Variants in DSCAM observed in about 807,000 individuals in gnomAD.
The protein encoded by DSCAM is cell adhesion molecule DSCAM.
A neutral mutation model predicts 217.7 loss-of-function variants in DSCAM; 47 were observed. The observed-to-expected ratio is 0.22, with a 90% CI of 0.17 to 0.28. DSCAM has a LOEUF of 0.28. Ranked by LOEUF, DSCAM falls within the 10% of genes least tolerant of loss-of-function variation. The pLI, the probability that DSCAM is intolerant of heterozygous loss-of-function variation, is 1.00. For synonymous variants in DSCAM, 1,056 were observed against 1,015.3 expected (o/e 1.04, Z -0.76); for missense variants, 2,080 against 2,618.3 (o/e 0.79, Z 4.49).
chr21:40,776,110 CTTATT>C (rs2091486068), intron 1 of DSCAM, among the ~76,000 whole-genome samples: 1 of 151,914 alleles, frequency 6.6e-6, no homozygotes, highest in Non-Finnish European at 1.5e-5. Flanking sequence ...GTTATTATTG[CTTATT>C]TTATTGTGTA....
At chr21:40,737,665 G>T (rs1480411322) in intron 1 of DSCAM, among the ~76,000 whole-genome samples, 1 of 152,116 alleles carries the variant, frequency 6.6e-6, no homozygotes, top group Non-Finnish European at 1.5e-5. Context: ...ACCTGTCTGG[G>T]TTCATGTGTC....
At chr21:40,447,518 C>T (rs1170265585) in intron 3 of DSCAM, among the ~76,000 whole-genome samples, 1 of 152,106 alleles carries the variant, frequency 6.6e-6, no homozygotes, top group African/African-American at 2.4e-5. Flanking sequence ...AAACATTACT[C>T]AAATTAGGAA....
intron 3 of DSCAM, among the ~76,000 whole-genome samples, chr21:40,381,776 C>T (rs999729159): frequency 6.6e-6 from 1 of 152,162 alleles, no homozygotes; most frequent in Non-Finnish European, 1.5e-5. Flanking sequence ...ACTTTGGGTT[C>T]ACCTACTAAT....
intron 3 of DSCAM, among the ~76,000 whole-genome samples, chr21:40,640,307 G>GGGCA (rs2089862379): frequency 6.6e-6 from 1 of 152,016 alleles, no homozygotes. Context: ...AGGGAGAACA[G>GGGCA]GGCAGGGTGA....
intron 3 of DSCAM, among the ~76,000 whole-genome samples, chr21:40,544,217 G>C (rs936251555): frequency 6.6e-6 from 1 of 152,174 alleles, no homozygotes; most frequent in African/African-American, 2.4e-5. Flanking sequence ...CTTGGTCACG[G>C]AGTAGAACAG....
chr21:40,111,389 C>T (rs891199002), intron 20 of DSCAM, among the ~76,000 whole-genome samples: 14 of 151,832 alleles, frequency 9.2e-5, no homozygotes, highest in Admixed American at 3.9e-4. Flanking sequence ...ACCACCAGGC[C>T]GGCCCTAAAA....
intron 3 of DSCAM, among the ~76,000 whole-genome samples, chr21:40,679,964 C>A (rs1172304711): frequency 6.6e-6 from 1 of 152,114 alleles, no homozygotes; most frequent in Non-Finnish European, 1.5e-5. Flanking sequence ...GTGTCCTGAC[C>A]TTCTGGTTTC....
rs577763415 is a variant in DSCAM at position 40,720,818 on chromosome 21, A to G, written c.44-12047T>C. 3.2e-3 allele frequency among the ~76,000 whole-genome samples: 492 copies of G among 152,330 alleles called. 1 individual carries two copies. Among genetic ancestry groups the G allele is most frequent in the African/African-American group, 0.011 (469 of 41,568 alleles). Reference sequence around the variant, plus strand: ...TGTGGGGTTAGGGGGACCAAGTATGACACTTGAGGGGACTAAGGCTGCTAG... The same window carrying G: ...TGTGGGGTTAGGGGGACCAAGTATGGCACTTGAGGGGACTAAGGCTGCTAG... On this transcript the variant is annotated intron_variant, in intron 1 of 32. Coordinates refer to ENST00000400454, the MANE Select transcript of DSCAM (RefSeq NM_001389.5).
chr21:40,075,511 A>T (rs1317505531), intron 26 of DSCAM, among the ~76,000 whole-genome samples: 3 of 152,236 alleles, frequency 2.0e-5, no homozygotes, highest in Non-Finnish European at 2.9e-5. Flanking sequence ...GACAAAAGCC[A>T]CATGCATCTA....
intron 1 of DSCAM, among the ~76,000 whole-genome samples, chr21:40,809,299 C>T (rs908667595): frequency 6.6e-6 from 1 of 152,066 alleles, no homozygotes; most frequent in Non-Finnish European, 1.5e-5. Context: ...AGAAGCAGAT[C>T]CTAATTTGAG....
At chr21:40,751,518 A>T (rs1029650052) in intron 1 of DSCAM, among the ~76,000 whole-genome samples, 1 of 152,226 alleles carries the variant, frequency 6.6e-6, no homozygotes, top group Non-Finnish European at 1.5e-5. Context: ...CAAAGCAATA[A>T]TGTGGAGAAC....
intron 29 of DSCAM, among the ~76,000 whole-genome samples, chr21:40,053,429 T>G (rs1484027527): frequency 6.6e-6 from 1 of 152,182 alleles, no homozygotes; most frequent in Non-Finnish European, 1.5e-5. Context: ...TCTACATTTG[T>G]TTTTCATTAA....
chr21:40,484,035 T>G (rs1233101154), intron 3 of DSCAM, among the ~76,000 whole-genome samples: 2 of 152,220 alleles, frequency 1.3e-5, no homozygotes, highest in East Asian at 3.9e-4. Context: ...CGGGGCAGGA[T>G]GTAGGTCCTC....
intron 1 of DSCAM, among the ~76,000 whole-genome samples, chr21:40,777,083 A>G (rs990352476): frequency 6.6e-6 from 1 of 152,206 alleles, no homozygotes; most frequent in Non-Finnish European, 1.5e-5. Context: ...TCTGGAGGCC[A>G]AGAAGTCTAA....
At chr21:40,353,121 C>T (rs1416222967) in intron 5 of DSCAM, among the ~76,000 whole-genome samples, 1 of 152,154 alleles carries the variant, frequency 6.6e-6, no homozygotes, top group Admixed American at 6.5e-5. Context: ...TCTCTCTGTT[C>T]ATTTTTAGAG....
At chr21:40,791,643 A>G (rs2091644820) in intron 1 of DSCAM, among the ~76,000 whole-genome samples, 1 of 152,118 alleles carries the variant, frequency 6.6e-6, no homozygotes, top group Non-Finnish European at 1.5e-5. Context: ...ACAGAGAGAG[A>G]CACCGTCTCA....
At chr21:40,068,419 G>A (rs181854615) in intron 27 of DSCAM, among the ~76,000 whole-genome samples, 1 of 152,240 alleles carries the variant, frequency 6.6e-6, no homozygotes, top group African/African-American at 2.4e-5. Flanking sequence ...GAAGGAATAT[G>A]TATATGTGCC....
intron 3 of DSCAM, among the ~76,000 whole-genome samples, chr21:40,663,402 A>C (rs1312230604): frequency 6.6e-6 from 1 of 152,086 alleles, no homozygotes; most frequent in Admixed American, 6.5e-5. Flanking sequence ...CCAGTCGCAC[A>C]CAACGTGGAA....
intron 10 of DSCAM, among the ~76,000 whole-genome samples, chr21:40,280,345 C>A (rs1043492496): frequency 9.9e-5 from 15 of 151,874 alleles, no homozygotes; most frequent in Non-Finnish European, 1.6e-4. Context: ...CACCACCATA[C>A]CCCGCTAGGC....
Sources: gnomAD v4.1 joint callset for allele counts (sites outside exome capture counted in the v4.1 genomes callset) on GRCh38, gnomAD v4.1.1 for gene constraint, MANE v1.5 for transcripts, NCBI Gene and HGNC (gene_info 2026-07-23, HGNC 2026-07-21) for gene names.